The following PPIG variants were observed in gnomAD, a reference collection of about 807,000 sequenced individuals.
PPIG encodes peptidyl-prolyl cis-trans isomerase G.
In PPIG, 26 loss-of-function variants were observed where a neutral mutation model predicts 87.9. The observed-to-expected ratio is 0.30, with a 90% CI of 0.22 to 0.41. The LOEUF is 0.41. Ranked by LOEUF, PPIG falls within the 10% of genes least tolerant of loss-of-function variation. The probability of loss-of-function intolerance (pLI) is 1.00; values close to 1 mark genes in which losing one functional copy is unlikely to be tolerated. For synonymous variants in PPIG, 308 were observed against 276.5 expected, an observed-to-expected ratio of 1.11 and a Z score of -1.13; for missense variants, 722 against 879.4, an observed-to-expected ratio of 0.82 and a Z score of 2.26.
At chr2:169,585,139 C>T (rs1354327622) in intron 1 of PPIG, among the ~76,000 whole-genome samples, 1 of 152,174 alleles carries the variant, frequency 6.6e-6, no homozygotes, top group Non-Finnish European at 1.5e-5. Flanking sequence ...GCGAAGTTCC[C>T]CCGTGTTTCG....
chr2:169,622,534 A>G (rs16857079), intron 9 of PPIG, among the ~76,000 whole-genome samples: 17,032 of 152,260 alleles, frequency 0.11, 1,218 homozygotes, highest in South Asian at 0.26. Flanking sequence ...CCTCAAACTC[A>G]TGCTAACCTA....
At chr2:169,607,052 T>TC in intron 5 of PPIG, 52 bp from the exon 6 acceptor site, 1 of 1,137,790 alleles carries the variant, frequency 8.8e-7, no homozygotes, top group South Asian at 1.4e-5. Context: ...TGTTTAGGTA[T>TC]CACCTTTGAG....
At chr2:169,632,024 G>A (rs1157526378) in intron 11 of PPIG, 91 bp downstream of exon 11, 2 of 1,315,670 alleles carry the variant, frequency 1.5e-6, no homozygotes, top group Admixed American at 3.3e-5. Flanking sequence ...TTTAATTGGT[G>A]ACCTTGTCCC....
chr2:169,584,389 G>A lies in PPIG; in HGVS notation c.-171G>A, dbSNP rs1559170623. On this transcript the variant is annotated 5_prime_UTR_variant, in exon 1 of 14. Transcript: ENST00000260970. ...TCCATGCCAGGACTGAGTTGTGGGG[G>A]AGGGAGGCGGTTAGCGGGCTTTAGC... is the stretch of plus-strand genomic sequence containing the variant. 2.1e-6 allele frequency: 1 copy of A among 471,080 alleles called. No individual in the cohort carries two copies. The highest frequency in any genetic ancestry group is 2.0e-5 in the African/African-American group (1 of 50,090). The allele number at this position is 471,080 out of a possible 1,614,324, so 29.2% of individuals were successfully genotyped here. A position where few individuals can be genotyped will look rare whatever the true frequency, so the allele number is the denominator to read the frequency against.
intron 1 of PPIG, among the ~76,000 whole-genome samples, chr2:169,587,023 T>C (rs533833113): frequency 6.6e-6 from 1 of 152,232 alleles, no homozygotes; most frequent in Admixed American, 6.5e-5. Flanking sequence ...AACCTCCACC[T>C]CCTGAGCTCA....
intron 9 of PPIG, among the ~76,000 whole-genome samples, chr2:169,627,747 T>A (rs1040132777): frequency 6.8e-6 from 1 of 146,040 alleles, no homozygotes; most frequent in African/African-American, 2.7e-5. Flanking sequence ...CTAAATGGGC[T>A]TGCTTTTAAA....
rs201051732 is a variant in PPIG, at chr2:169,612,709, T to TA, written c.378-1754dup. Among the ~76,000 whole-genome samples, 1,031 of 152,282 alleles carry TA rather than the reference T, an allele frequency of 6.8e-3. 6 individuals carry two copies. Among genetic ancestry groups the TA allele is most frequent in the African/African-American group, 0.023 (974 of 41,556 alleles). On this transcript the variant is annotated intron_variant, in intron 7 of 13. Transcript: ENST00000260970. ...AAGTCCATTTTTTATGGCTGTGTAA[T>TA]ATTCCACTATATGTATATACCACAT...
chr2:169,610,243 C>T (rs1464487982), intron 7 of PPIG, among the ~76,000 whole-genome samples: 1 of 152,052 alleles, frequency 6.6e-6, no homozygotes, highest in African/African-American at 2.4e-5. Flanking sequence ...TTATTGATTC[C>T]TAGAATGAAC....
intron 9 of PPIG, among the ~76,000 whole-genome samples, chr2:169,630,274 C>G (rs13393079): frequency 0.14 from 21,891 of 151,926 alleles, 1,650 homozygotes; most frequent in South Asian, 0.26. Flanking sequence ...TGTTATGAGT[C>G]TCCTCTTGAG....
chr2:169,608,452 T>TG (rs1048849230), intron 6 of PPIG, among the ~76,000 whole-genome samples: 1 of 151,474 alleles, frequency 6.6e-6, no homozygotes, highest in African/African-American at 2.4e-5. Context: ...ATTGGGCCAC[T>TG]GCACTCCAGC....
chr2:169,621,007 A>G (rs1685733258), intron 9 of PPIG, among the ~76,000 whole-genome samples: 1 of 152,106 alleles, frequency 6.6e-6, no homozygotes, highest in South Asian at 2.1e-4. Context: ...ACATATCCCT[A>G]TTTTACAGAC....
rs1685062292 is a variant in PPIG at position 169,597,836 on chromosome 2, T to A, written c.-69-5806T>A. Among the ~76,000 whole-genome samples, 4 of 150,800 alleles carry A rather than the reference T, an allele frequency of 2.7e-5. No individual in the cohort carries two copies. In the South Asian group the frequency reaches 8.5e-4, roughly 32 times the overall value. ...AAAAATATACAAAGACAGTATATCCTACACACTTCTGTACCTTGCTTGTTT... is the reference window on the plus strand; with the variant it reads ...AAAAATATACAAAGACAGTATATCCAACACACTTCTGTACCTTGCTTGTTT... On this transcript the variant is annotated intron_variant, in intron 1 of 13. Coordinates refer to ENST00000260970, the MANE Select transcript of PPIG (RefSeq NM_004792.3).
At chr2:169,585,675 G>T (rs900611951) in intron 1 of PPIG, among the ~76,000 whole-genome samples, 1 of 152,108 alleles carries the variant, frequency 6.6e-6, no homozygotes, top group African/African-American at 2.4e-5. Context: ...TTCTTTCCAC[G>T]ATAGCCCTTT....
At chr2:169,613,275 A>G (rs1685537114) in intron 7 of PPIG, among the ~76,000 whole-genome samples, 1 of 152,212 alleles carries the variant, frequency 6.6e-6, no homozygotes, top group African/African-American at 2.4e-5. Flanking sequence ...TGAGGAAACA[A>G]TAGCAGGTCA....
intron 1 of PPIG, among the ~76,000 whole-genome samples, chr2:169,588,251 A>G (rs1242976600): frequency 6.6e-6 from 1 of 152,224 alleles, no homozygotes; most frequent in East Asian, 1.9e-4. Flanking sequence ...GTGTGTGTAT[A>G]TACTAAGCTC....
intron 9 of PPIG, among the ~76,000 whole-genome samples, chr2:169,623,116 A>G (rs370190995): frequency 6.6e-6 from 1 of 152,070 alleles, no homozygotes; most frequent in Non-Finnish European, 1.5e-5. Context: ...AGAAAATTCA[A>G]AGTCAAGGAG....
intron 9 of PPIG, among the ~76,000 whole-genome samples, chr2:169,616,318 G>A (rs1685607826): frequency 2.0e-5 from 3 of 152,184 alleles, no homozygotes; most frequent in African/African-American, 7.2e-5. Flanking sequence ...ATGTGTGCAT[G>A]TGTCTTTATA....
intron 4 of PPIG, among the ~76,000 whole-genome samples, chr2:169,605,083 C>CA (rs1685287247): frequency 6.6e-6 from 1 of 152,196 alleles, no homozygotes; most frequent in South Asian, 2.1e-4. Context: ...CCTGTAACCC[C>CA]AGCACTTTGG....
chr2:169,625,243 A>G (rs1409187312), intron 9 of PPIG, among the ~76,000 whole-genome samples: 1 of 152,186 alleles, frequency 6.6e-6, no homozygotes, highest in East Asian at 1.9e-4. Context: ...AATTTAATAC[A>G]TTTATTTGGT....
Sources: allele counts gnomAD v4.1 joint callset (sites outside exome capture counted in the v4.1 genomes callset), GRCh38; gene constraint gnomAD v4.1.1; transcripts MANE v1.5; gene names NCBI Gene and HGNC (gene_info 2026-07-23, HGNC 2026-07-21).